C19orf47: variants seen among roughly 807,000 people sequenced by gnomAD.
The protein encoded by C19orf47 is uncharacterized protein C19orf47.
A neutral mutation model predicts 32.3 loss-of-function variants in C19orf47; 18 were observed. The ratio of observed to expected loss-of-function variants is 0.56; its 90% CI spans 0.39 to 0.83. C19orf47 has a LOEUF of 0.83. C19orf47 is among the 40% of genes least tolerant of loss of function. The pLI, the probability that C19orf47 is intolerant of heterozygous loss-of-function variation, is 0.00. For missense variants in C19orf47, 484 were observed against 531.6 expected (o/e 0.91, Z 0.88); for synonymous variants, 202 against 211.1 (o/e 0.96, Z 0.37).
At chr19:40,304,273 G>T in the C19orf47 span, among the ~76,000 whole-genome samples, 1 of 152,148 alleles carries the variant, frequency 6.6e-6, no homozygotes, top group Admixed American at 6.6e-5. Context: ...ACATCCCTTT[G>T]ATAGACTGAT....
At chr19:40,293,253 G>A in the C19orf47 span, among the ~76,000 whole-genome samples, 4 of 150,912 alleles carry the variant, frequency 2.7e-5, no homozygotes, top group African/African-American at 9.8e-5. Context: ...CAATTCTCCT[G>A]CCTCAGCCTT....
intron 4 of C19orf47, among the ~76,000 whole-genome samples, chr19:40,335,875 C>T (rs1196415982): frequency 6.6e-6 from 1 of 152,238 alleles, no homozygotes; most frequent in Non-Finnish European, 1.5e-5. Context: ...TCCCAAAGTG[C>T]TGAGATTACA....
chr19:40,346,442 CAAATAAAT>C (rs201362970), intron 1 of C19orf47, among the ~76,000 whole-genome samples: 10,816 of 105,670 alleles, frequency 0.1, 589 homozygotes, highest in African/African-American at 0.14. Context: ...GACCTTGTCT[CAAATAAAT>C]AAATAAATAA....
At chr19:40,335,656 C>A (rs929297062) in intron 4 of C19orf47, among the ~76,000 whole-genome samples, 1 of 150,836 alleles carries the variant, frequency 6.6e-6, no homozygotes, top group Non-Finnish European at 1.5e-5. Flanking sequence ...GTCGCCCAGG[C>A]TGGAGTGCAG....
At chr19:40,314,648 A>T (rs1424100265), downstream of C19orf47, among the ~76,000 whole-genome samples, 1 of 152,232 alleles carries the variant, frequency 6.6e-6, no homozygotes, top group Non-Finnish European at 1.5e-5. Context: ...TTGCAGAAGA[A>T]TTCCAAATAA....
chr19:40,329,727 T>G (rs2077909907), intron 5 of C19orf47, among the ~76,000 whole-genome samples: 1 of 152,128 alleles, frequency 6.6e-6, no homozygotes, highest in Non-Finnish European at 1.5e-5. Context: ...CCCCAGCACT[T>G]CTTCAGACAT....
chr19:40,298,934 TG>T, the C19orf47 span, among the ~76,000 whole-genome samples: 1 of 12,872 alleles, frequency 7.8e-5, no homozygotes, highest in Non-Finnish European at 1.5e-4. Context: ...GTCTTAAAAA[TG>T]AGAGTGAATT....
In C19orf47 at chr19:40,326,442, T is replaced by C. The variant is rs1370906178; in HGVS notation, c.484A>G (p.Lys162Glu). 1 of 1,614,110 alleles carries C rather than the reference T, an allele frequency of 6.2e-7. No homozygotes were observed. Residue 162 changes from lysine (K) to glutamate (E), a missense_variant, in exon 7 of 9, where the codon AAG (lysine) becomes GAG (glutamate). Transcript: ENST00000683109. ...ATCTCAGCAGTGACCCGGCGCCGCTTGGCAGGAACAGCCAGGCTCTCCTCC... is the reference window on the plus strand; with the variant it reads ...ATCTCAGCAGTGACCCGGCGCCGCTCGGCAGGAACAGCCAGGCTCTCCTCC... Reference protein sequence around the residue: ...REEESLAVPAKRRRVTAEMEG... With the variant: ...REEESLAVPAERRRVTAEMEG...
the C19orf47 span, among the ~76,000 whole-genome samples, chr19:40,303,854 A>G: frequency 1.3e-4 from 19 of 151,104 alleles, no homozygotes; most frequent in South Asian, 3.6e-3. Context: ...CCTAATGCAA[A>G]TTGCAACCAG....
rs1393266912 is a variant in C19orf47, at chr19:40,322,162, C to T, written c.878G>A (p.Arg293Gln). ...SATTAAAPTL[R>Q]RLALSSRSGL... is the part of the protein sequence containing the mutation. ...AGACCGTGAGGAAAGCGCCAGGCGC[C>T]GCAGTGTCGGGGCAGCAGCCGTTGT... The change falls in exon 9 of 9, where the codon CGG becomes CAG. Residue 293 changes from arginine to glutamine, a missense_variant. By Grantham distance (43) the Arg-to-Gln change is conservative. Around this residue, in one of 3 missense-constraint regions of C19orf47, gnomAD observed 376 missense variants for 370.2 expected, o/e 1.02. Coordinates refer to ENST00000683109, the MANE Select transcript of C19orf47 (RefSeq NM_001256441.2). 2.5e-6 allele frequency: 4 copies of T among 1,613,412 alleles called. No individual in the cohort carries two copies. Among genetic ancestry groups the T allele is most frequent in the Admixed American group, 3.3e-5 (2 of 60,028 alleles).
At position 40,332,478 on chromosome 19, in the gene C19orf47, G is replaced by A. The variant is rs916173638; in HGVS notation, c.301+1373C>T. 2.2e-4 allele frequency: 33 copies of A among 151,402 alleles called. 1 individual carries two copies. The highest frequency in any genetic ancestry group is 7.8e-4 in the African/African-American group (32 of 41,178). The allele number at this position is 151,402 out of a possible 1,614,324, so 9.4% of individuals were successfully genotyped here. On this transcript the variant is annotated intron_variant, in intron 5 of 8. Transcript: ENST00000683109. Reference sequence around the variant, plus strand: ...AGCCTGGCCAACAGGGTGAAATTCTGTCTACTAAAAATACAAAAATTAGCC... The same window carrying A: ...AGCCTGGCCAACAGGGTGAAATTCTATCTACTAAAAATACAAAAATTAGCC...
intron 4 of C19orf47, 47 bp downstream of exon 4, chr19:40,336,063 A>G (rs747709802): frequency 5.2e-6 from 8 of 1,552,712 alleles, no homozygotes; most frequent in African/African-American, 1.4e-5. Context: ...CTGACCCTCC[A>G]CCTCCATGCC....
the C19orf47 span, among the ~76,000 whole-genome samples, chr19:40,298,914 AATTTATTATGTCTTAAAAATGAGAGTG>A: frequency 8.1e-5 from 1 of 12,366 alleles, no homozygotes; most frequent in Non-Finnish European, 1.6e-4. Context: ...AAATTGAGTG[AATTTATTATGTCTTAAAAATGAGAGTG>A]AATTTATTAT....
At chr19:40,323,424 G>A (rs4337402) in intron 8 of C19orf47, among the ~76,000 whole-genome samples, 108,223 of 152,148 alleles carry the variant, frequency 0.71, 38,556 homozygotes, top group South Asian at 0.77. Flanking sequence ...TGTACTCTGA[G>A]CTACACACCA....
chr19:40,306,487 C>A, the C19orf47 span, among the ~76,000 whole-genome samples: 6 of 151,926 alleles, frequency 3.9e-5, no homozygotes, highest in African/African-American at 1.5e-4. Flanking sequence ...ACTGCAACCT[C>A]CGCCTCCCGG....
At chr19:40,334,645 G>A (rs1227786962) in intron 4 of C19orf47, among the ~76,000 whole-genome samples, 1 of 152,192 alleles carries the variant, frequency 6.6e-6, no homozygotes, top group Non-Finnish European at 1.5e-5. Context: ...TCACTCGGGT[G>A]GCTGAGGTAC....
Position 40,348,337 on chromosome 19 carries a change from C to T in C19orf47, c.-47G>A. ...CCCGCGCCTCACCTGGCCCACCGGG[C>T]CCGCGCCCACTCGCGCCGCCCGCCC... On this transcript the variant is annotated 5_prime_UTR_variant, in exon 1 of 9. Transcript: ENST00000683109. 2 of 1,370,390 alleles carry T rather than the reference C, an allele frequency of 1.5e-6. No homozygotes were observed. Among genetic ancestry groups the T allele is most frequent in the Non-Finnish European group, 9.4e-7 (1 of 1,063,494 alleles). The allele number at this position is 1,370,390 out of a possible 1,614,324, so 84.9% of individuals were successfully genotyped here.
At chr19:40,303,803 GAA>G in the C19orf47 span, among the ~76,000 whole-genome samples, 1,597 of 45,256 alleles carry the variant, frequency 0.035, 9 homozygotes, top group Admixed American at 0.047. Context: ...GACTTTGTCT[GAA>G]AAAAAAAAAA....
At chr19:40,303,035 G>C in the C19orf47 span, among the ~76,000 whole-genome samples, 11 of 152,146 alleles carry the variant, frequency 7.2e-5, no homozygotes, top group Non-Finnish European at 1.5e-4. Flanking sequence ...GAGGTCAGGA[G>C]TTCAAGGCCA....
Sources: gnomAD v4.1 joint callset for allele counts (sites outside exome capture counted in the v4.1 genomes callset) on GRCh38, gnomAD v4.1.1 for gene constraint, gnomAD v4.1.1 regional missense constraint, MANE v1.5 for transcripts, NCBI Gene and HGNC (gene_info 2026-07-23, HGNC 2026-07-21) for gene names.